YEATS4: variants seen among roughly 807,000 people sequenced by gnomAD.
YEATS4 encodes YEATS domain-containing protein 4.
A neutral mutation model predicts 30.1 loss-of-function variants in YEATS4; 17 were observed. That is an observed-to-expected ratio of 0.56 (90% CI 0.39 to 0.85). The LOEUF (loss-of-function observed/expected upper bound fraction) is 0.85. Among genes scored for constraint, YEATS4 ranks in the 40% least tolerant of loss-of-function variants. YEATS4 has a pLI of 0.00. For missense variants in YEATS4, 142 were observed against 268.3 expected (o/e 0.53, Z 3.29); for synonymous variants, 85 against 87.5 (o/e 0.97, Z 0.16).
intron 4 of YEATS4, among the ~76,000 whole-genome samples, chr12:69,368,092 AATTTT>A (rs1466335971): frequency 3.9e-5 from 6 of 152,178 alleles, no homozygotes; most frequent in African/African-American, 1.4e-4. Flanking sequence ...CATAGGCCTG[AATTTT>A]ATTCTCTAAA....
the YEATS4 span, among the ~76,000 whole-genome samples, chr12:69,408,858 G>C: frequency 6.6e-6 from 1 of 152,134 alleles, no homozygotes; most frequent in Non-Finnish European, 1.5e-5. Context: ...TCCTGTCTTA[G>C]AGCTCGCCCA....
At chr12:69,373,712 TAG>T (rs1186079719) in intron 6 of YEATS4, among the ~76,000 whole-genome samples, 1 of 152,184 alleles carries the variant, frequency 6.6e-6, no homozygotes. Flanking sequence ...TCCAGTGTCC[TAG>T]AGAGTTTCCC....
chr12:69,383,726 A>G (rs1333429836), intron 6 of YEATS4, among the ~76,000 whole-genome samples: 1 of 152,256 alleles, frequency 6.6e-6, no homozygotes, highest in Non-Finnish European at 1.5e-5. Flanking sequence ...TAAGGAGAAC[A>G]GTAAGGTCAG....
At chr12:69,420,413 G>C in the YEATS4 span, among the ~76,000 whole-genome samples, 3 of 151,248 alleles carry the variant, frequency 2.0e-5, no homozygotes, top group East Asian at 4.0e-4. Context: ...GTTAGGGGGA[G>C]GGGGACAGAG....
At chr12:69,383,415 A>G (rs145570770) in intron 6 of YEATS4, among the ~76,000 whole-genome samples, 31 of 152,332 alleles carry the variant, frequency 2.0e-4, no homozygotes, top group Non-Finnish European at 3.8e-4. Context: ...ACAGTTATAA[A>G]TTATGAGACC....
intron 6 of YEATS4, among the ~76,000 whole-genome samples, chr12:69,381,447 A>G (rs919840391): frequency 1.4e-4 from 22 of 152,260 alleles, no homozygotes; most frequent in African/African-American, 2.9e-4. Context: ...TCAAACACAC[A>G]TGCTCTACAA....
At chr12:69,426,458 C>A in the YEATS4 span, among the ~76,000 whole-genome samples, 3 of 152,126 alleles carry the variant, frequency 2.0e-5, no homozygotes, top group Non-Finnish European at 4.4e-5. Context: ...GCAACCTCTG[C>A]CTCCCGGGTT....
At chr12:69,371,044 G>T (rs1184053811) in intron 6 of YEATS4, 69 bp downstream of exon 6, 2 of 1,480,328 alleles carry the variant, frequency 1.4e-6, no homozygotes, top group Middle Eastern at 2.5e-4. Context: ...TGTATGATTC[G>T]TGCCTTTTAC....
At chr12:69,420,728 T>C in the YEATS4 span, among the ~76,000 whole-genome samples, 17 of 149,382 alleles carry the variant, frequency 1.1e-4, no homozygotes, top group East Asian at 3.5e-3. Flanking sequence ...ATAAATGTCA[T>C]GTTATGTGAA....
At chr12:69,383,296 G>A (rs980647190) in intron 6 of YEATS4, among the ~76,000 whole-genome samples, 2 of 152,160 alleles carry the variant, frequency 1.3e-5, no homozygotes, top group Admixed American at 6.5e-5. Context: ...GACATGATGG[G>A]TGTGGGATGT....
intron 6 of YEATS4, among the ~76,000 whole-genome samples, chr12:69,376,969 A>C (rs755901594): frequency 2.0e-5 from 3 of 151,998 alleles, no homozygotes; most frequent in Non-Finnish European, 4.4e-5. Context: ...TTTCTTCTAG[A>C]TTTTCTAATT....
At chr12:69,421,152 A>T in the YEATS4 span, among the ~76,000 whole-genome samples, 1 of 152,132 alleles carries the variant, frequency 6.6e-6, no homozygotes, top group Non-Finnish European at 1.5e-5. Context: ...GCCACAGCAC[A>T]CAGCTCTGAT....
Position 69,390,188 on chromosome 12 carries a change from G to T in YEATS4, c.556G>T (p.Ala186Ser), listed in dbSNP as rs145484693. The change falls in exon 7 of 7, where the codon GCT becomes TCT. Residue 186 changes from alanine to serine, a missense_variant. Transcript: ENST00000247843. ...EVKTREKLEA[A>S]KKKTSFEIAE... is the part of the protein sequence containing the mutation. ...GAAAACCAGAGAAAAATTAGAAGCT[G>T]CTAAGAAAAAAACAAGCTTTGAGAT... is the stretch of plus-strand genomic sequence containing the variant. The T allele has an allele frequency of 6.3e-7, 1 of 1,596,418 alleles. No homozygotes were observed. Among genetic ancestry groups the T allele is most frequent in the Non-Finnish European group, 8.5e-7 (1 of 1,175,826 alleles).
chr12:69,402,907 G>C, the YEATS4 span, among the ~76,000 whole-genome samples: 4 of 151,326 alleles, frequency 2.6e-5, no homozygotes, highest in African/African-American at 9.7e-5. Flanking sequence ...ATTTTTAGTA[G>C]AGACAGGGTT....
At chr12:69,371,018 G>A (rs1422368109) in intron 6 of YEATS4, 43 bp downstream of exon 6, 2 of 1,568,880 alleles carry the variant, frequency 1.3e-6, no homozygotes, top group African/African-American at 2.7e-5. Flanking sequence ...AACGTATTCT[G>A]TAATAGTGAA....
At chr12:69,373,221 G>C (rs1290678159) in intron 6 of YEATS4, among the ~76,000 whole-genome samples, 1 of 152,064 alleles carries the variant, frequency 6.6e-6, no homozygotes, top group Admixed American at 6.5e-5. Flanking sequence ...CCAAACTGTT[G>C]GCCATAGTGG....
chr12:69,387,664 C>A (rs1868267943), intron 6 of YEATS4, among the ~76,000 whole-genome samples: 1 of 152,116 alleles, frequency 6.6e-6, no homozygotes, highest in Non-Finnish European at 1.5e-5. Flanking sequence ...AGTGAAACAG[C>A]AAGGTGCAAA....
At chr12:69,396,023 T>C in the YEATS4 span, among the ~76,000 whole-genome samples, 26 of 152,344 alleles carry the variant, frequency 1.7e-4, no homozygotes, top group African/African-American at 6.3e-4. Context: ...AGTAACCTTA[T>C]GTAATACGCC....
intron 4 of YEATS4, among the ~76,000 whole-genome samples, chr12:69,366,325 T>C (rs566051838): frequency 6.6e-6 from 1 of 152,278 alleles, no homozygotes; most frequent in African/African-American, 2.4e-5. Context: ...TTTATTTTTA[T>C]AGCCACTGGC....
Sources: gnomAD v4.1 joint callset for allele counts (sites outside exome capture counted in the v4.1 genomes callset) on GRCh38, gnomAD v4.1.1 for gene constraint, MANE v1.5 for transcripts, NCBI Gene and HGNC (gene_info 2026-07-23, HGNC 2026-07-21) for gene names.